The following ACBD5 variants were observed in gnomAD, a reference collection of about 807,000 sequenced individuals.
The protein encoded by ACBD5 is acyl-CoA-binding domain-containing protein 5.
ACBD5 carries 40 observed loss-of-function variants against 71.8 expected under a neutral mutation model. The ratio of observed to expected loss-of-function variants is 0.56; its 90% CI spans 0.43 to 0.72. ACBD5 has a LOEUF of 0.72. Among genes scored for constraint, ACBD5 ranks in the 30% least tolerant of loss-of-function variants. The pLI is 0.00. For missense variants in ACBD5, 559 were observed against 644.5 expected, an observed-to-expected ratio of 0.87 and a Z score of 1.44; for synonymous variants, 229 against 218.6, an observed-to-expected ratio of 1.05 and a Z score of -0.42.
At chr10:27,213,592 T>C (rs7074120) in intron 8 of ACBD5, among the ~76,000 whole-genome samples, 10,595 of 152,118 alleles carry the variant, frequency 0.07, 696 homozygotes, top group African/African-American at 0.17. Context: ...ACCCCGTCTC[T>C]ACTGAAAGTA....
Position 27,240,796 on chromosome 10 carries a change from C to T in ACBD5, c.-108G>A, listed in dbSNP as rs997642974. Reference sequence around the variant, plus strand: ...CACCCCCCATTCCGCCGGAGTCCGTCTGTCAGTCCGTGCCCTCCCCACAGC... The same window carrying T: ...CACCCCCCATTCCGCCGGAGTCCGTTTGTCAGTCCGTGCCCTCCCCACAGC... On this transcript the variant is annotated 5_prime_UTR_variant, in exon 1 of 13. Coordinates refer to ENST00000396271, the MANE Select transcript of ACBD5 (RefSeq NM_145698.5). The surrounding 1 kb of genome is among the most constrained non-coding windows in gnomAD (Gnocchi z 4.1). 18 of 1,503,946 alleles carry T rather than the reference C, an allele frequency of 1.2e-5. No individual in the cohort carries two copies. The highest frequency in any genetic ancestry group is 2.0e-5 in the Admixed American group (1 of 50,892). The allele number at this position is 1,503,946 out of a possible 1,614,324, so 93.2% of individuals were successfully genotyped here. A position where few individuals can be genotyped will look rare whatever the true frequency, so the allele number is the denominator to read the frequency against.
intron 12 of ACBD5, 69 bp from the exon 13 acceptor site, chr10:27,197,511 A>C (rs569043565): frequency 7.0e-6 from 8 of 1,145,604 alleles, no homozygotes; most frequent in Non-Finnish European, 1.0e-5. Context: ...ATGGTAACAT[A>C]ATAATAATAA....
chr10:27,200,993 G>A (rs932772146), intron 12 of ACBD5, among the ~76,000 whole-genome samples: 2 of 50,264 alleles, frequency 4.0e-5, no homozygotes, highest in African/African-American at 3.1e-4. Context: ...GCATTATAGT[G>A]AGACCCCCAT....
At chr10:27,212,418 A>T (rs1470546284) in intron 8 of ACBD5, among the ~76,000 whole-genome samples, 1 of 152,174 alleles carries the variant, frequency 6.6e-6, no homozygotes, top group African/African-American at 2.4e-5. Flanking sequence ...ATTTACTGAG[A>T]TTAATCTCTA....
intron 4 of ACBD5, among the ~76,000 whole-genome samples, chr10:27,228,887 C>T (rs1468284992): frequency 2.2e-5 from 3 of 138,366 alleles, no homozygotes; most frequent in African/African-American, 5.2e-5. Context: ...GGCGCAATCT[C>T]GGCTCACTGC....
chr10:27,185,151 G>C (rs1216839634), intron 13 of ACBD5, among the ~76,000 whole-genome samples: 3 of 152,148 alleles, frequency 2.0e-5, no homozygotes, highest in Non-Finnish European at 2.9e-5. Context: ...AAGGGAGAAG[G>C]GGGTGAGCTT....
chr10:27,227,659 G>A (rs2800403), intron 4 of ACBD5, among the ~76,000 whole-genome samples: 112,653 of 152,022 alleles, frequency 0.74, 41,889 homozygotes, highest in African/African-American at 0.76. Context: ...TAGAGTTGTT[G>A]AGCTATGGAC....
At chr10:27,193,114 C>CGCGT (rs2059148144), downstream of ACBD5, among the ~76,000 whole-genome samples, 2 of 80,244 alleles carry the variant, frequency 2.5e-5, no homozygotes, top group Non-Finnish European at 4.8e-5. Flanking sequence ...TTCCTTCCTT[C>CGCGT]GTGTGTGTGT....
At chr10:27,200,853 C>G (rs2059848955) in intron 12 of ACBD5, among the ~76,000 whole-genome samples, 1 of 152,100 alleles carries the variant, frequency 6.6e-6, no homozygotes, top group Non-Finnish European at 1.5e-5. Flanking sequence ...CTCTTGGGGT[C>G]TGGATTGGGG....
intron 3 of ACBD5, chr10:27,232,288 A>G (rs2063969065): frequency 1.3e-5 from 2 of 151,360 alleles, no homozygotes; most frequent in Non-Finnish European, 2.9e-5. Context: ...AAAGCCTGCT[A>G]GAAAAATTCT....
rs1465331573 is a variant in ACBD5 at position 27,208,276 on chromosome 10, C to A, written c.1374G>T (p.Leu458=). The A allele has an allele frequency of 1.2e-6, 2 of 1,614,124 alleles. No homozygotes were observed. Among genetic ancestry groups the A allele is most frequent in the East Asian group, 4.5e-5 (2 of 44,880 alleles). Residue 458 remains leucine (L), a synonymous_variant, in exon 10 of 13, where the codon CTG becomes CTT. Transcript: ENST00000396271. ...QEDMQNVLQR[L]QKLETLTALQ... ...AAGCAGTCAGCGTTTCCAGTTTCTG[C>A]AGTCTCTGAAGGACATTCTGCATGT...
intron 12 of ACBD5, among the ~76,000 whole-genome samples, chr10:27,200,611 AC>A (rs979778373): frequency 2.0e-5 from 3 of 151,956 alleles, no homozygotes; most frequent in Non-Finnish European, 4.4e-5. Flanking sequence ...AGCTGGGATT[AC>A]CACACCCAGC....
chr10:27,198,995 G>A (rs527770704), intron 12 of ACBD5, among the ~76,000 whole-genome samples: 56 of 152,016 alleles, frequency 3.7e-4, no homozygotes, highest in African/African-American at 1.3e-3. Context: ...TATAGTCCCA[G>A]CTACTTGGGA....
chr10:27,237,473 C>T (rs2064867335), intron 2 of ACBD5, among the ~76,000 whole-genome samples: 1 of 152,110 alleles, frequency 6.6e-6, no homozygotes, highest in Non-Finnish European at 1.5e-5. Flanking sequence ...CATAATGATT[C>T]AGAGCAAATC....
chr10:27,213,752 C>T (rs959454798), intron 8 of ACBD5, among the ~76,000 whole-genome samples: 4 of 104,294 alleles, frequency 3.8e-5, no homozygotes, highest in Non-Finnish European at 7.4e-5. Context: ...AGGGAAACTC[C>T]GCCTCAGAAA....
At chr10:27,201,816 A>G (rs1028946997) in intron 12 of ACBD5, among the ~76,000 whole-genome samples, 4 of 152,178 alleles carry the variant, frequency 2.6e-5, no homozygotes, top group Non-Finnish European at 4.4e-5. Flanking sequence ...GGACTACCCT[A>G]TATCTATCTA....
In ACBD5 at chr10:27,195,847, T is replaced by G. The variant is rs2059334482; in HGVS notation, c.*1583A>C. ...ATACTAAAGACAGATTATTTCTTAT[T>G]TAAAACACTGTGAACATATGATGTT... is the stretch of plus-strand genomic sequence containing the variant. On this transcript the variant is annotated 3_prime_UTR_variant, in exon 13 of 13. Transcript: ENST00000396271. 3 of 448,198 alleles carry G rather than the reference T, an allele frequency of 6.7e-6. No individual in the cohort carries two copies. The highest frequency in any genetic ancestry group is 4.8e-5 in the South Asian group (3 of 62,972). 27.8% of individuals were successfully genotyped at this position (448,198 alleles called of 1,614,324 possible). A position where few individuals can be genotyped will look rare whatever the true frequency, so the allele number is the denominator to read the frequency against.
chr10:27,186,264 C>A, intron 13 of ACBD5: 1 of 1,076,824 alleles, frequency 9.3e-7, no homozygotes, highest in African/African-American at 1.6e-5. Flanking sequence ...GTGAAACTGA[C>A]ATAATAAAGT....
chr10:27,209,718 T>A (rs1401565683), intron 9 of ACBD5, among the ~76,000 whole-genome samples: 1 of 152,244 alleles, frequency 6.6e-6, no homozygotes, highest in Middle Eastern at 3.2e-3. Flanking sequence ...ATTCATCCAT[T>A]CTTTTCTCTG....
Sources: allele counts gnomAD v4.1 joint callset (sites outside exome capture counted in the v4.1 genomes callset), GRCh38; gene constraint gnomAD v4.1.1; non-coding constraint Gnocchi (gnomAD v3.1); transcripts MANE v1.5; gene names NCBI Gene and HGNC (gene_info 2026-07-23, HGNC 2026-07-21).